The following PRNP variants were observed in gnomAD, a reference collection of about 807,000 sequenced individuals.
PRNP encodes prion protein (Kanno blood group).
Under a neutral mutation model 21.3 loss-of-function variants are expected in PRNP, and 15 were observed. The observed-to-expected ratio is 0.71, with a 90% confidence interval of 0.47 to 1.09. The LOEUF (loss-of-function observed/expected upper bound fraction) is 1.09, where lower values mean the gene tolerates loss of function less well. Among genes scored for constraint, PRNP ranks in the 50% least tolerant of loss-of-function variants. PRNP has a pLI of 0.00. For missense variants in PRNP, 285 were observed against 340.9 expected (o/e 0.84, Z 1.29); for synonymous variants, 121 against 123.1 (o/e 0.98, Z 0.11).
rs1782003493 is a variant in PRNP at position 4,699,978 on chromosome 20, G to A, written c.758G>A (p.Gly253Glu). The A allele has an allele frequency of 4.4e-6, 7 of 1,607,962 alleles. No homozygotes were observed. Among genetic ancestry groups the A allele is most frequent in the African/African-American group, 1.3e-5 (1 of 74,748 alleles). The change falls in exon 2 of 2, where the codon GGA becomes GAA. Residue 253 changes from glycine to glutamate, a missense_variant. Coordinates refer to ENST00000379440, the MANE Select transcript of PRNP (RefSeq NM_000311.5). This position sits in a 1 kb window ranked among gnomAD's most constrained non-coding sequence, Gnocchi z 5.8. ...LISFLIFLIV[G>E] ...TCTTTCCTCATCTTCCTGATAGTGG[G>A]ATGAGGAAGGTCTTCCTGTTTTCAC... is the stretch of plus-strand genomic sequence containing the variant.
chr20:4,699,836 A>G lies in PRNP; in HGVS notation c.616A>G (p.Met206Val). The G allele has an allele frequency of 6.2e-7, 1 of 1,613,720 alleles. No homozygotes were observed. The highest frequency in any genetic ancestry group is 1.7e-4 in the Middle Eastern group (1 of 6,060). ...ENFTETDVKM[M>V]ERVVEQMCIT... is the part of the protein sequence containing the mutation. ...CTTCACCGAGACCGACGTTAAGATGATGGAGCGCGTGGTTGAGCAGATGTG... is the reference window on the plus strand; with the variant it reads ...CTTCACCGAGACCGACGTTAAGATGGTGGAGCGCGTGGTTGAGCAGATGTG... The change falls in exon 2 of 2, where the codon ATG becomes GTG. Residue 206 changes from methionine to valine, a missense_variant. Coordinates refer to ENST00000379440, the MANE Select transcript of PRNP (RefSeq NM_000311.5). This position sits in a 1 kb window ranked among gnomAD's most constrained non-coding sequence, Gnocchi z 5.8.
chr20:4,694,777 C>A (rs1305416301), intron 1 of PRNP, among the ~76,000 whole-genome samples: 3 of 152,238 alleles, frequency 2.0e-5, no homozygotes, highest in African/African-American at 4.8e-5. Context: ...CCTCTGATAG[C>A]CATGCAGGTT....
At chr20:4,691,915 A>T (rs886960010) in intron 1 of PRNP, among the ~76,000 whole-genome samples, 1 of 152,212 alleles carries the variant, frequency 6.6e-6, no homozygotes, top group African/African-American at 2.4e-5. Flanking sequence ...GCTGTTGAGA[A>T]GAATGTGTAT....
intron 1 of PRNP, among the ~76,000 whole-genome samples, chr20:4,687,954 A>C (rs932777124): frequency 1.3e-5 from 2 of 152,256 alleles, no homozygotes; most frequent in African/African-American, 4.8e-5. Flanking sequence ...AAAGGAAAAA[A>C]TCACCAGTGG....
chr20:4,700,031 G>C lies in PRNP; in HGVS notation c.*49G>C. 6.4e-7 allele frequency: 1 copy of C among 1,559,156 alleles called. No individual in the cohort carries two copies. The highest frequency in any genetic ancestry group is 8.7e-7 in the Non-Finnish European group (1 of 1,151,132). On this transcript the variant is annotated 3_prime_UTR_variant, in exon 2 of 2. Coordinates refer to ENST00000379440, the MANE Select transcript of PRNP (RefSeq NM_000311.5). This position sits in a 1 kb window ranked among gnomAD's most constrained non-coding sequence, Gnocchi z 4.1. ...TCTTTCTAATCTTTTTCCAGCTTGA[G>C]GGAGGCGGTATCCACCTGCAGCCCT...
rs564148914 is a variant in PRNP at position 4,701,224 on chromosome 20, T to C, written c.*1242T>C. ...ATGTATTACTTTTCTGCAATGTTAT[T>C]ATTGGCTTGCACTTTGTGAGTATTC... On this transcript the variant is annotated 3_prime_UTR_variant, in exon 2 of 2. Coordinates refer to ENST00000379440, the MANE Select transcript of PRNP (RefSeq NM_000311.5). The surrounding 1 kb of genome is among the most constrained non-coding windows in gnomAD (Gnocchi z 4.2). 7.2e-5 allele frequency: 12 copies of C among 167,172 alleles called. No homozygotes were observed. The highest frequency in any genetic ancestry group is 2.9e-4 in the African/African-American group (12 of 41,582). The allele number at this position is 167,172 out of a possible 1,614,324, so 10.4% of individuals were successfully genotyped here.
chr20:4,687,842 A>C (rs1368693021), intron 1 of PRNP, among the ~76,000 whole-genome samples: 3 of 152,252 alleles, frequency 2.0e-5, no homozygotes, highest in African/African-American at 7.2e-5. Context: ...GAATAGGATT[A>C]AGGATTTTTA....
chr20:4,687,426 A>C (rs1419499557), intron 1 of PRNP, among the ~76,000 whole-genome samples: 3 of 152,236 alleles, frequency 2.0e-5, no homozygotes, highest in African/African-American at 7.2e-5. Context: ...GGGGGGCTCC[A>C]AGGAACAACC....
intron 1 of PRNP, among the ~76,000 whole-genome samples, chr20:4,694,698 T>G (rs1272813090): frequency 2.0e-5 from 3 of 152,164 alleles, no homozygotes; most frequent in African/African-American, 7.2e-5. Context: ...GTTTTCTGTT[T>G]TCTTCCTTTT....
chr20:4,699,398 C>A lies in PRNP; in HGVS notation c.178C>A (p.Pro60Thr). Residue 60 changes from proline (P) to threonine (T), a missense_variant, in exon 2 of 2, where the codon CCT becomes ACT. Transcript: ENST00000379440. The surrounding 1 kb of genome is among the most constrained non-coding windows in gnomAD (Gnocchi z 5.8). ...PPQGGGGWGQPHGGGWGQPHG... is the reference protein window; with the variant it reads ...PPQGGGGWGQTHGGGWGQPHG... ...TCAGGGCGGTGGTGGCTGGGGGCAGCCTCATGGTGGTGGCTGGGGGCAGCC... is the reference window on the plus strand; with the variant it reads ...TCAGGGCGGTGGTGGCTGGGGGCAGACTCATGGTGGTGGCTGGGGGCAGCC... 6.2e-7 allele frequency: 1 copy of A among 1,608,704 alleles called. No individual in the cohort carries two copies. The highest frequency in any genetic ancestry group is 8.5e-7 in the Non-Finnish European group (1 of 1,177,256).
At position 4,686,645 on chromosome 20, in the gene PRNP, C is replaced by CG. The variant is rs1332287820; in HGVS notation, c.-11+138dup. On this transcript the variant is annotated intron_variant, in intron 1 of 1. Coordinates refer to ENST00000379440, the MANE Select transcript of PRNP (RefSeq NM_000311.5). This position sits in a 1 kb window ranked among gnomAD's most constrained non-coding sequence, Gnocchi z 6.7. ...GGTCGGGACCCCAGTGAGGAGGGGC[C>CG]GGGGGCTGCCCCGCGGGCGCGTGAC... 2.6e-5 allele frequency: 4 copies of CG among 152,122 alleles called. No individual in the cohort carries two copies. The highest frequency in any genetic ancestry group is 9.6e-5 in the African/African-American group (4 of 41,510). The allele number at this position is 152,122 out of a possible 1,614,324, so 9.4% of individuals were successfully genotyped here. A position where few individuals can be genotyped will look rare whatever the true frequency, so the allele number is the denominator to read the frequency against.
chr20:4,699,738 A>C lies in PRNP; in HGVS notation c.518A>C (p.Asn173Thr). Residue 173 changes from asparagine to threonine, a missense_variant, in exon 2 of 2, where the codon AAC (asparagine) becomes ACC (threonine). Coordinates refer to ENST00000379440, the MANE Select transcript of PRNP (RefSeq NM_000311.5). This position sits in a 1 kb window ranked among gnomAD's most constrained non-coding sequence, Gnocchi z 5.8. The stretch of plus-strand genomic sequence containing the variant: ...CCCATGGATGAGTACAGCAACCAGA[A>C]CAACTTTGTGCACGACTGCGTCAAT... ...YRPMDEYSNQ[N>T]NFVHDCVNIT... is the part of the protein sequence containing the mutation. 6.2e-7 allele frequency: 1 copy of C among 1,614,076 alleles called. No individual in the cohort carries two copies. Among genetic ancestry groups the C allele is most frequent in the Non-Finnish European group, 8.5e-7 (1 of 1,180,004 alleles).
chr20:4,687,018 G>T (rs1921489629), intron 1 of PRNP, among the ~76,000 whole-genome samples: 1 of 151,998 alleles, frequency 6.6e-6, no homozygotes, highest in Non-Finnish European at 1.5e-5. Context: ...CCTTGGCAAG[G>T]CCTGGCGCTT....
chr20:4,695,915 T>C (rs1431255746), intron 1 of PRNP, among the ~76,000 whole-genome samples: 1 of 152,202 alleles, frequency 6.6e-6, no homozygotes, highest in Non-Finnish European at 1.5e-5. Context: ...CTTTATTGGT[T>C]CGTGGTGCCC....
chr20:4,701,451 A>C lies in PRNP; in HGVS notation c.*1469A>C, dbSNP rs1293423352. 6.0e-6 allele frequency: 1 copy of C among 167,136 alleles called. No individual in the cohort carries two copies. The highest frequency in any genetic ancestry group is 1.5e-5 in the Non-Finnish European group (1 of 68,118). The allele number at this position is 167,136 out of a possible 1,614,324, so 10.4% of individuals were successfully genotyped here. A position where few individuals can be genotyped will look rare whatever the true frequency, so the allele number is the denominator to read the frequency against. ...TTTCATGTAAGAATCCAAAGTGGAC[A>C]CCATTAACAGGTCTTTGAAATATGC... On this transcript the variant is annotated 3_prime_UTR_variant, in exon 2 of 2. Transcript: ENST00000379440. The surrounding 1 kb of genome is among the most constrained non-coding windows in gnomAD (Gnocchi z 4.2).
rs774656719 is a variant in PRNP, at chr20:4,699,505, C to T, written c.285C>T (p.Thr95=). 1 of 1,613,704 alleles carries T rather than the reference C, an allele frequency of 6.2e-7. No individual in the cohort carries two copies. Among genetic ancestry groups the T allele is most frequent in the East Asian group, 2.2e-5 (1 of 44,856 alleles). ...GTGGCTGGGGTCAAGGAGGTGGCAC[C>T]CACAGTCAGTGGAACAAGCCGAGTA... ...HGGGWGQGGG[T]HSQWNKPSKP... is the part of the protein sequence containing the mutation. Residue 95 remains threonine, a synonymous_variant, in exon 2 of 2, where the codon ACC becomes ACT. Coordinates refer to ENST00000379440, the MANE Select transcript of PRNP (RefSeq NM_000311.5). This position sits in a 1 kb window ranked among gnomAD's most constrained non-coding sequence, Gnocchi z 5.8.
At position 4,699,817 on chromosome 20, in the gene PRNP, C is replaced by T. The variant is rs180853193; in HGVS notation, c.597C>T (p.Thr199=). The change falls in exon 2 of 2, where the codon ACC becomes ACT. Residue 199 remains threonine (T), a synonymous_variant. Coordinates refer to ENST00000379440, the MANE Select transcript of PRNP (RefSeq NM_000311.5). The surrounding 1 kb of genome is among the most constrained non-coding windows in gnomAD (Gnocchi z 5.8). The part of the protein sequence containing the change: ...VTTTTKGENF[T]ETDVKMMERV... ...CAACCACCAAGGGGGAGAACTTCACCGAGACCGACGTTAAGATGATGGAGC... is the reference window on the plus strand; with the variant it reads ...CAACCACCAAGGGGGAGAACTTCACTGAGACCGACGTTAAGATGATGGAGC... 34 of 1,613,962 alleles carry T rather than the reference C, an allele frequency of 2.1e-5. No individual in the cohort carries two copies. The highest frequency in any genetic ancestry group is 1.8e-4 in the East Asian group (8 of 44,854).
chr20:4,700,474 T>C lies in PRNP; in HGVS notation c.*492T>C, dbSNP rs925886093. ...TTGTTAGGAGGCCACATGATACTTA[T>C]TCAAAAAAATCCTAGAGATTCTTAG... On this transcript the variant is annotated 3_prime_UTR_variant, in exon 2 of 2. Coordinates refer to ENST00000379440, the MANE Select transcript of PRNP (RefSeq NM_000311.5). This position sits in a 1 kb window ranked among gnomAD's most constrained non-coding sequence, Gnocchi z 4.1. 3 of 317,764 alleles carry C rather than the reference T, an allele frequency of 9.4e-6. No homozygotes were observed. The highest frequency in any genetic ancestry group is 1.9e-5 in the Non-Finnish European group (3 of 155,202). 19.7% of individuals were successfully genotyped at this position (317,764 alleles called of 1,614,324 possible).
intron 1 of PRNP, among the ~76,000 whole-genome samples, chr20:4,687,602 C>T (rs913626286): frequency 3.3e-5 from 5 of 151,934 alleles, no homozygotes; most frequent in Admixed American, 2.6e-4. Context: ...TTTTTTTTAA[C>T]CTCGCAATTC....
Sources: allele counts gnomAD v4.1 joint callset (sites outside exome capture counted in the v4.1 genomes callset), GRCh38; gene constraint gnomAD v4.1.1; non-coding constraint Gnocchi (gnomAD v3.1); transcripts MANE v1.5; gene names NCBI Gene and HGNC (gene_info 2026-07-23, HGNC 2026-07-21).